Variants in PVALB observed in about 807,000 individuals in gnomAD.
The protein encoded by PVALB is parvalbumin alpha.
Under a neutral mutation model 10.9 loss-of-function variants are expected in PVALB, and 11 were observed. That is an observed-to-expected ratio of 1.01 (90% CI 0.63 to 1.67). The LOEUF (loss-of-function observed/expected upper bound fraction) is 1.67, where lower values mean the gene tolerates loss of function less well. Among genes scored for constraint, PVALB ranks in the 40% most tolerant of loss-of-function variants. The pLI is 0.00. For missense variants in PVALB, 131 were observed against 136.2 expected (o/e 0.96, Z 0.19); for synonymous variants, 57 against 50.7 (o/e 1.12, Z -0.53).
intron 3 of PVALB, chr22:36,811,384 C>CCTAGTTTA: frequency 2.3e-6 from 1 of 426,826 alleles, no homozygotes; most frequent in Non-Finnish European, 4.8e-6. Context: ...TGTTATAATG[C>CCTAGTTTA]CTAGTTTACA....
chr22:36,809,881 C>CGTTTT (rs903591332), intron 3 of PVALB, among the ~76,000 whole-genome samples: 1 of 80,500 alleles, frequency 1.2e-5, no homozygotes, highest in African/African-American at 3.8e-5. Context: ...TTTGGTTTTT[C>CGTTTT]GTTTTGTTTT....
chr22:36,817,908 T>C (rs1336898315), upstream of PVALB, among the ~76,000 whole-genome samples: 1 of 151,952 alleles, frequency 6.6e-6, no homozygotes, highest in Non-Finnish European at 1.5e-5. Flanking sequence ...GAAAGCCCCA[T>C]ATGTGTTTGG....
At chr22:36,812,917 G>T (rs1293466370) in intron 3 of PVALB, among the ~76,000 whole-genome samples, 1 of 152,182 alleles carries the variant, frequency 6.6e-6, no homozygotes, top group Non-Finnish European at 1.5e-5. Context: ...TAGCAATGTG[G>T]GTGTGCTCCA....
intron 1 of PVALB, 186 bp from the exon 2 acceptor site, chr22:36,815,421 A>G: frequency 1.3e-6 from 1 of 766,662 alleles, no homozygotes; most frequent in Non-Finnish European, 2.0e-6. Flanking sequence ...CCAAGGTCAC[A>G]AGGCTGGGAG....
upstream of PVALB, among the ~76,000 whole-genome samples, chr22:36,819,247 G>A (rs1478388273): frequency 1.3e-5 from 2 of 152,278 alleles, no homozygotes; most frequent in South Asian, 2.1e-4. Context: ...GCCACACCAG[G>A]AGTCTGGGTG....
intron 2 of PVALB, 131 bp from the exon 3 acceptor site, chr22:36,813,886 G>A (rs1028108808): frequency 2.8e-5 from 20 of 718,860 alleles, no homozygotes; most frequent in Non-Finnish European, 4.2e-5. Flanking sequence ...CAGCAGTCAC[G>A]CACACGGATG....
At chr22:36,802,021 G>A (rs1392556659) in intron 3 of PVALB, among the ~76,000 whole-genome samples, 1 of 152,084 alleles carries the variant, frequency 6.6e-6, no homozygotes, top group Non-Finnish European at 1.5e-5. Context: ...TCGTGAAATG[G>A]CTTCAAAAAG....
Position 36,808,765 on chromosome 22 carries a change from T to G in PVALB, c.304+4881A>C, listed in dbSNP as rs534439172. ...AGTGTTTGAAAAGCCACCTGCCACA[T>G]AGTCTGCTTTGTCTGCTTTTTATGC... On this transcript the variant is annotated intron_variant, in intron 3 of 3. Transcript: ENST00000417718. 5.3e-5 allele frequency among the ~76,000 whole-genome samples: 8 copies of G among 152,330 alleles called. No individual in the cohort carries two copies. The South Asian group carries it at 1.7e-3, about 32-fold the overall frequency.
At chr22:36,811,484 T>C (rs1286137415) in intron 3 of PVALB, 2 of 467,514 alleles carry the variant, frequency 4.3e-6, no homozygotes, top group African/African-American at 2.0e-5. Context: ...CCTCTTCCAT[T>C]GCCGGGCACA....
Position 36,809,855 on chromosome 22 carries a change from G to GTTTT in PVALB, c.304+3787_304+3790dup, listed in dbSNP as rs58451670. 6.8e-3 allele frequency among the ~76,000 whole-genome samples: 831 copies of GTTTT among 121,952 alleles called. 9 individuals carry two copies. Among genetic ancestry groups the GTTTT allele is most frequent in the East Asian group, 0.011 (46 of 4,100 alleles). The allele number at this position is 121,952 out of a possible 152,430, so 80.0% of individuals were successfully genotyped here. On this transcript the variant is annotated intron_variant, in intron 3 of 3. Transcript: ENST00000417718. Reference sequence around the variant, plus strand: ...GCTAGTGATCTGCCCCATGTCCCATGTTTTTTTTTTTTTTTTTTGGTTTTT... The same window carrying GTTTT: ...GCTAGTGATCTGCCCCATGTCCCATGTTTTTTTTTTTTTTTTTTTTTTGGTTTTT...
In PVALB at chr22:36,800,851, A is replaced by G. The variant is rs746919588; in HGVS notation, c.*39T>C. The G allele has an allele frequency of 3.8e-6, 6 of 1,580,838 alleles. No homozygotes were observed. The South Asian group carries it at 6.6e-5, about 17-fold the overall frequency. On this transcript the variant is annotated 3_prime_UTR_variant, in exon 4 of 4. Coordinates refer to ENST00000417718, the MANE Select transcript of PVALB (RefSeq NM_001315532.2). ...CGAGAGGGGCCGAGATTGGGTGTTCAGGGCAGAGAGGTGGAAGACCAGGGG... is the reference window on the plus strand; with the variant it reads ...CGAGAGGGGCCGAGATTGGGTGTTCGGGGCAGAGAGGTGGAAGACCAGGGG...
chr22:36,816,700 G>A (rs1244289101), intron 1 of PVALB, among the ~76,000 whole-genome samples: 1 of 152,204 alleles, frequency 6.6e-6, no homozygotes, highest in African/African-American at 2.4e-5. Context: ...CGGGCCTTCA[G>A]CACCCTCAAG....
In PVALB at chr22:36,815,208, A is replaced by AAC; in HGVS notation, c.87_88dup (p.Phe30CysfsTer8). Reference sequence around the variant, plus strand: ...TTTCTTCAGGCCGACCATTTGGAAGAACTTTTTGTGGTCGAAGGAGTCGGT... The same window carrying AAC: ...TTTCTTCAGGCCGACCATTTGGAAGAACACTTTTTGTGGTCGAAGGAGTCGGT... On this transcript the variant is annotated frameshift_variant, in exon 2 of 4. Transcript: ENST00000417718. LOFTEE classifies it high-confidence loss of function. The AAC allele has an allele frequency of 6.2e-7, 1 of 1,614,198 alleles. No individual in the cohort carries two copies. Among genetic ancestry groups the AAC allele is most frequent in the South Asian group, 1.1e-5 (1 of 91,090 alleles).
intron 3 of PVALB, among the ~76,000 whole-genome samples, chr22:36,808,130 G>A (rs551335746): frequency 1.3e-5 from 2 of 152,348 alleles, no homozygotes; most frequent in Admixed American, 6.5e-5. Flanking sequence ...CAAGATATTA[G>A]GAGTCAAGGT....
rs549617383 is a variant in PVALB at position 36,811,973 on chromosome 22, C to A, written c.304+1673G>T. 2.5e-3 allele frequency among the ~76,000 whole-genome samples: 375 copies of A among 152,248 alleles called. 2 individuals carry two copies. The highest frequency in any genetic ancestry group is 8.5e-3 in the African/African-American group (355 of 41,560). On this transcript the variant is annotated intron_variant, in intron 3 of 3. Coordinates refer to ENST00000417718, the MANE Select transcript of PVALB (RefSeq NM_001315532.2). ...CCTGCATTTGACCTGGATAGGGATT[C>A]TCCATTCTCGTTACTGGCAGGAAAC... is the stretch of plus-strand genomic sequence containing the variant.
chr22:36,812,987 C>T (rs1257877393), intron 3 of PVALB, among the ~76,000 whole-genome samples: 1 of 152,190 alleles, frequency 6.6e-6, no homozygotes, highest in East Asian at 1.9e-4. Context: ...GGTCTCTCAC[C>T]TGTGCTGACA....
intron 1 of PVALB, among the ~76,000 whole-genome samples, chr22:36,815,663 C>T (rs1328658430): frequency 6.6e-6 from 1 of 152,116 alleles, no homozygotes; most frequent in East Asian, 1.9e-4. Context: ...GAGGGTTGAC[C>T]TTCTTTCTTG....
intron 3 of PVALB, among the ~76,000 whole-genome samples, chr22:36,812,467 T>G (rs774788469): frequency 6.6e-6 from 1 of 152,220 alleles, no homozygotes; most frequent in Non-Finnish European, 1.5e-5. Flanking sequence ...AAAAATTAGC[T>G]AACAAATACA....
At chr22:36,817,340 G>A (rs921868869), upstream of PVALB, 3 of 210,656 alleles carry the variant, frequency 1.4e-5, no homozygotes, top group Non-Finnish European at 2.8e-5. Flanking sequence ...TCACCAGCTG[G>A]GTCTGGAAAG....
Sources: allele counts gnomAD v4.1 joint callset (sites outside exome capture counted in the v4.1 genomes callset), GRCh38; gene constraint gnomAD v4.1.1; transcripts MANE v1.5; gene names NCBI Gene and HGNC (gene_info 2026-07-23, HGNC 2026-07-21).